Variants in PRKG1 observed in about 807,000 individuals in gnomAD.
PRKG1 encodes cGMP-dependent protein kinase 1.
A neutral mutation model predicts 88.1 loss-of-function variants in PRKG1; 35 were observed. That is an observed-to-expected ratio of 0.40 (90% CI 0.30 to 0.53). PRKG1 has a LOEUF of 0.53. Among genes scored for constraint, PRKG1 ranks in the 20% least tolerant of loss-of-function variants. The pLI is 0.59. For missense variants in PRKG1, 540 were observed against 839.8 expected (o/e 0.64, Z 4.41); for synonymous variants, 303 against 292.5 (o/e 1.04, Z -0.37).
At chr10:52,267,846 C>G (rs186159499) in intron 10 of PRKG1, among the ~76,000 whole-genome samples, 11 of 152,108 alleles carry the variant, frequency 7.2e-5, no homozygotes, top group African/African-American at 2.4e-4. Flanking sequence ...TCAAGCTCCT[C>G]CTCTTGCTAG....
At chr10:51,326,973 TACCCTGAGGTGTTACAAAAAATTAATC>T (rs1199239956) in intron 2 of PRKG1, among the ~76,000 whole-genome samples, 1 of 152,214 alleles carries the variant, frequency 6.6e-6, no homozygotes. Context: ...ATAGTATCTC[TACCCTGAGGTGTTACAAAAAATTAATC>T]AAGTCAGCAT....
chr10:51,173,466 T>C (rs1837106256), intron 2 of PRKG1, among the ~76,000 whole-genome samples: 1 of 151,672 alleles, frequency 6.6e-6, no homozygotes, highest in African/African-American at 2.4e-5. Flanking sequence ...TTCTCAACTT[T>C]TTAAAGATAG....
intron 2 of PRKG1, among the ~76,000 whole-genome samples, chr10:51,365,373 C>A (rs1842567819): frequency 6.6e-6 from 1 of 151,796 alleles, no homozygotes; most frequent in Admixed American, 6.6e-5. Flanking sequence ...TAGAGGAAAT[C>A]CTGCACAAGG....
At chr10:52,125,273 G>A (rs1434370453) in intron 7 of PRKG1, among the ~76,000 whole-genome samples, 1 of 151,966 alleles carries the variant, frequency 6.6e-6, no homozygotes, top group African/African-American at 2.4e-5. Flanking sequence ...TTGCATATGT[G>A]GTCTGTTTGT....
In PRKG1 at chr10:51,901,007, A is replaced by G. The variant is rs1446450842; in HGVS notation, c.699-6500A>G. 2.0e-5 allele frequency among the ~76,000 whole-genome samples: 3 copies of G among 152,178 alleles called. No individual in the cohort carries two copies. The East Asian group carries it at 5.8e-4, about 29-fold the overall frequency. ...TTTCATACTTTAAAGTAAAACTGGCATGTTATTTATCTTTTTCTATGGTGA... is the reference window on the plus strand; with the variant it reads ...TTTCATACTTTAAAGTAAAACTGGCGTGTTATTTATCTTTTTCTATGGTGA... On this transcript the variant is annotated intron_variant, in intron 4 of 17. Transcript: ENST00000373980.
chr10:51,835,826 A>T (rs1295164114), intron 4 of PRKG1, among the ~76,000 whole-genome samples: 1 of 152,150 alleles, frequency 6.6e-6, no homozygotes, highest in African/African-American at 2.4e-5. Context: ...GTTTTCTATG[A>T]TGGATATAGT....
chr10:51,331,713 A>G (rs1345256778), intron 2 of PRKG1, among the ~76,000 whole-genome samples: 1 of 152,186 alleles, frequency 6.6e-6, no homozygotes, highest in Non-Finnish European at 1.5e-5. Flanking sequence ...ATGCATGGAT[A>G]TATGTGCAAA....
chr10:51,446,559 T>C (rs1839277574), intron 2 of PRKG1, among the ~76,000 whole-genome samples: 2 of 152,068 alleles, frequency 1.3e-5, no homozygotes, highest in Non-Finnish European at 2.9e-5. Context: ...CTGAAAATTG[T>C]TTTACAATTT....
chr10:52,160,552 T>C (rs1467934711), intron 8 of PRKG1, among the ~76,000 whole-genome samples: 2 of 151,994 alleles, frequency 1.3e-5, no homozygotes, highest in African/African-American at 4.8e-5. Flanking sequence ...ATGAGCTCAC[T>C]ACCCAAGGGT....
Position 51,427,028 on chromosome 10 carries a change from C to T in PRKG1, c.479-40695C>T, listed in dbSNP as rs151101370. On this transcript the variant is annotated intron_variant, in intron 2 of 17. Coordinates refer to ENST00000373980, the MANE Select transcript of PRKG1 (RefSeq NM_006258.4). ...TTTTAAAGCTCACTTAGAATATTTG[C>T]TTCTATGTTGCTATTGCCTGCATAG... Among the ~76,000 whole-genome samples, 14 of 152,260 alleles carry T rather than the reference C, an allele frequency of 9.2e-5. No individual in the cohort carries two copies. The East Asian group carries it at 2.7e-3, about 29-fold the overall frequency.
intron 2 of PRKG1, among the ~76,000 whole-genome samples, chr10:51,321,934 A>G (rs1841467824): frequency 6.6e-6 from 1 of 152,174 alleles, no homozygotes; most frequent in Non-Finnish European, 1.5e-5. Context: ...ATGCTAGTAA[A>G]CCACAGATGG....
intron 5 of PRKG1, among the ~76,000 whole-genome samples, chr10:51,986,988 C>T (rs1239328731): frequency 1.3e-5 from 2 of 151,928 alleles, no homozygotes; most frequent in Admixed American, 6.6e-5. Flanking sequence ...ATAAGAAAAG[C>T]TTATCATGAA....
intron 2 of PRKG1, among the ~76,000 whole-genome samples, chr10:51,212,894 G>C (rs561353508): frequency 6.6e-6 from 1 of 152,306 alleles, no homozygotes; most frequent in South Asian, 2.1e-4. Context: ...AACCATTGTG[G>C]AAGTCAGTGT....
At chr10:51,499,384 C>T (rs568452030) in intron 3 of PRKG1, among the ~76,000 whole-genome samples, 48 of 151,914 alleles carry the variant, frequency 3.2e-4, no homozygotes, top group Non-Finnish European at 6.3e-4. Context: ...AGAAAATAAG[C>T]GTAAGAAAGA....
chr10:51,735,878 TA>T lies in PRKG1; in HGVS notation c.593-68706del, dbSNP rs1564626574. ...GCATATATATATATATATATATATA[TA>T]TGTATATTTATTTATTTATTTATTT... On this transcript the variant is annotated intron_variant, in intron 3 of 17. Transcript: ENST00000373980. 5.4e-3 allele frequency among the ~76,000 whole-genome samples: 544 copies of T among 101,390 alleles called. 6 individuals carry two copies. The highest frequency in any genetic ancestry group is 0.028 in the African/African-American group (508 of 17,972). The allele number at this position is 101,390 out of a possible 152,430, so 66.5% of individuals were successfully genotyped here.
rs75115987 is a variant in PRKG1, at chr10:51,843,365, G to T, written c.698+38675G>T. ...TCAAGATGGTCACCTCATTTGCGTT[G>T]GGGTATACCAAGTCAGGCAGTAGCA... On this transcript the variant is annotated intron_variant, in intron 4 of 17. Transcript: ENST00000373980. 2.3e-3 allele frequency among the ~76,000 whole-genome samples: 356 copies of T among 152,168 alleles called. 2 individuals carry two copies. Among genetic ancestry groups the T allele is most frequent in the African/African-American group, 8.1e-3 (336 of 41,542 alleles).
chr10:51,900,059 C>CT (rs1217798143), intron 4 of PRKG1, among the ~76,000 whole-genome samples: 1 of 152,054 alleles, frequency 6.6e-6, no homozygotes, highest in East Asian at 1.9e-4. Context: ...TGGTGCCATG[C>CT]TTTTACAGCC....
intron 4 of PRKG1, among the ~76,000 whole-genome samples, chr10:51,880,874 G>T (rs1369050654): frequency 6.6e-6 from 1 of 152,174 alleles, no homozygotes; most frequent in South Asian, 2.1e-4. Context: ...GCCAGAAATT[G>T]TGCTGGGTGC....
intron 3 of PRKG1, among the ~76,000 whole-genome samples, chr10:51,615,844 G>A (rs1839037825): frequency 6.6e-6 from 1 of 151,782 alleles, no homozygotes; most frequent in African/African-American, 2.4e-5. Context: ...GATCTGTTCT[G>A]GAGAACTATT....
Sources: allele counts gnomAD v4.1 joint callset (sites outside exome capture counted in the v4.1 genomes callset), GRCh38; gene constraint gnomAD v4.1.1; transcripts MANE v1.5; gene names NCBI Gene and HGNC (gene_info 2026-07-23, HGNC 2026-07-21).